FAF1: variants seen among roughly 807,000 people sequenced by gnomAD.
The protein encoded by FAF1 is FAS-associated factor 1.
Under a neutral mutation model 92.5 loss-of-function variants are expected in FAF1, and 25 were observed. The ratio of observed to expected loss-of-function variants is 0.27; its 90% CI spans 0.20 to 0.38. The LOEUF (loss-of-function observed/expected upper bound fraction) is 0.38, where lower values mean the gene tolerates loss of function less well. Among genes scored for constraint, FAF1 ranks in the 10% least tolerant of loss-of-function variants. The pLI is 1.00. For synonymous variants in FAF1, 234 were observed against 273.2 expected, an observed-to-expected ratio of 0.86 and a Z score of 1.42; for missense variants, 636 against 793.3, an observed-to-expected ratio of 0.80 and a Z score of 2.38.
chr1:50,865,481 A>G (rs944594645), intron 1 of FAF1, among the ~76,000 whole-genome samples: 6 of 146,564 alleles, frequency 4.1e-5, no homozygotes, highest in African/African-American at 1.5e-4. Flanking sequence ...AATGTGGCAC[A>G]TATACACCGT....
intron 13 of FAF1, among the ~76,000 whole-genome samples, chr1:50,545,797 T>C (rs1267058671): frequency 2.0e-5 from 3 of 152,232 alleles, no homozygotes; most frequent in Non-Finnish European, 4.4e-5. Context: ...TCTATAGATA[T>C]ATTTTCATGT....
At chr1:50,890,299 T>C (rs889700618) in intron 1 of FAF1, among the ~76,000 whole-genome samples, 2 of 152,198 alleles carry the variant, frequency 1.3e-5, no homozygotes, top group African/African-American at 2.4e-5. Flanking sequence ...CACTGATGGA[T>C]CTTGACTCTT....
At chr1:50,539,943 C>T (rs1269068307) in intron 13 of FAF1, among the ~76,000 whole-genome samples, 2 of 152,002 alleles carry the variant, frequency 1.3e-5, no homozygotes, top group Admixed American at 6.6e-5. Context: ...ACCCTAAATG[C>T]TGTCTGGGGC....
intron 4 of FAF1, among the ~76,000 whole-genome samples, chr1:50,745,020 G>T (rs1224103148): frequency 6.6e-6 from 1 of 152,178 alleles, no homozygotes; most frequent in African/African-American, 2.4e-5. Context: ...GGGTGTGGTT[G>T]CTCATGCCTG....
chr1:50,862,788 G>C (rs1221409781), intron 1 of FAF1, among the ~76,000 whole-genome samples: 1 of 151,468 alleles, frequency 6.6e-6, no homozygotes, highest in East Asian at 1.9e-4. Context: ...AGTTAAAAAA[G>C]ACAAAAAGGG....
chr1:50,821,746 A>T (rs1336032426), intron 2 of FAF1, among the ~76,000 whole-genome samples: 1 of 152,210 alleles, frequency 6.6e-6, no homozygotes. Context: ...TGATACACAG[A>T]AAAGTACTCA....
At chr1:50,674,511 C>T (rs1656033158) in intron 7 of FAF1, among the ~76,000 whole-genome samples, 1 of 152,180 alleles carries the variant, frequency 6.6e-6, no homozygotes, top group South Asian at 2.1e-4. Flanking sequence ...AGGGATATTT[C>T]AGAGATTCTG....
At chr1:50,561,030 C>T (rs1014587499) in intron 13 of FAF1, among the ~76,000 whole-genome samples, 3 of 152,194 alleles carry the variant, frequency 2.0e-5, no homozygotes, top group African/African-American at 7.2e-5. Flanking sequence ...AATGCTTGGT[C>T]TCTTCCACCG....
intron 8 of FAF1, among the ~76,000 whole-genome samples, chr1:50,640,829 A>ATTTTTTTTTTTTTTTTTTTTT (rs71059592): frequency 1.1e-5 from 1 of 88,504 alleles, no homozygotes. Flanking sequence ...TTATCAGCTG[A>ATTTTTTTTTTTTTTTTTTTTT]TTTTTTTTTT....
chr1:50,724,237 CAAAAAAAAA>C (rs79635813), intron 6 of FAF1, among the ~76,000 whole-genome samples: 2 of 88,850 alleles, frequency 2.3e-5, no homozygotes, highest in Non-Finnish European at 4.3e-5. Context: ...GACTGTCTTT[CAAAAAAAAA>C]AAAAAAAAAC....
intron 2 of FAF1, among the ~76,000 whole-genome samples, chr1:50,844,457 T>A (rs1644281483): frequency 6.6e-6 from 1 of 151,940 alleles, no homozygotes. Context: ...CTTAATATAT[T>A]GCTTGAGGCA....
intron 7 of FAF1, among the ~76,000 whole-genome samples, chr1:50,695,643 T>C (rs1657167476): frequency 6.6e-6 from 1 of 152,170 alleles, no homozygotes; most frequent in Non-Finnish European, 1.5e-5. Context: ...CAAAGTTTTT[T>C]GTTTTTGATT....
intron 1 of FAF1, among the ~76,000 whole-genome samples, chr1:50,872,197 G>C (rs1644534382): frequency 6.6e-6 from 1 of 152,158 alleles, no homozygotes; most frequent in East Asian, 1.9e-4. Context: ...CATTCTAGAT[G>C]CCATTCATAA....
At chr1:50,891,980 C>T (rs1440229736) in intron 1 of FAF1, among the ~76,000 whole-genome samples, 5 of 152,210 alleles carry the variant, frequency 3.3e-5, no homozygotes, top group Admixed American at 3.3e-4. Flanking sequence ...GGCAGGCAGG[C>T]CTCCTTGAGC....
chr1:50,452,135 A>C, intron 18 of FAF1: 1 of 1,350,456 alleles, frequency 7.4e-7, no homozygotes, highest in Non-Finnish European at 9.8e-7. Flanking sequence ...AAAGAACATA[A>C]AATGAATATA....
chr1:50,948,584 G>A (rs1457663594), intron 1 of FAF1, among the ~76,000 whole-genome samples: 2 of 149,566 alleles, frequency 1.3e-5, no homozygotes, highest in African/African-American at 5.0e-5. Context: ...CCAGGCTGGA[G>A]TGCAGTGACG....
intron 1 of FAF1, among the ~76,000 whole-genome samples, chr1:50,869,977 A>G (rs538595322): frequency 1.3e-5 from 2 of 152,316 alleles, no homozygotes; most frequent in South Asian, 4.1e-4. Context: ...TTATTTTCAT[A>G]CCATGCATTA....
chr1:50,833,920 AC>A (rs1209308517), intron 2 of FAF1, among the ~76,000 whole-genome samples: 2 of 151,868 alleles, frequency 1.3e-5, no homozygotes, highest in African/African-American at 4.8e-5. Flanking sequence ...AAACCACATT[AC>A]TCTCTTAACT....
chr1:50,850,400 A>C (rs984725971), intron 2 of FAF1, among the ~76,000 whole-genome samples: 2 of 152,174 alleles, frequency 1.3e-5, no homozygotes, highest in Non-Finnish European at 2.9e-5. Flanking sequence ...TCCATTATTC[A>C]GTTTCCTGTA....
Sources: gnomAD v4.1 joint callset for allele counts (sites outside exome capture counted in the v4.1 genomes callset) on GRCh38, gnomAD v4.1.1 for gene constraint, MANE v1.5 for transcripts, NCBI Gene and HGNC (gene_info 2026-07-23, HGNC 2026-07-21) for gene names.